Variants in IRAG2 observed in about 807,000 individuals in gnomAD.
The protein encoded by IRAG2 is inositol 1,4,5-triphosphate receptor associated 2, also known as lymphoid restricted membrane protein.
A neutral mutation model predicts 69.9 loss-of-function variants in IRAG2; 45 were observed. That is an observed-to-expected ratio of 0.64 (90% CI 0.51 to 0.83). The LOEUF is 0.83. IRAG2 is among the 40% of genes least tolerant of loss of function. The pLI, the probability that IRAG2 is intolerant of heterozygous loss-of-function variation, is 0.00. For synonymous variants in IRAG2, 193 were observed against 202.4 expected, an observed-to-expected ratio of 0.95 and a Z score of 0.40; for missense variants, 520 against 587.0, an observed-to-expected ratio of 0.89 and a Z score of 1.18.
chr12:25,008,371 G>A (rs1944448968), intron 2 of IRAG2, among the ~76,000 whole-genome samples: 1 of 152,142 alleles, frequency 6.6e-6, no homozygotes, highest in Non-Finnish European at 1.5e-5. Context: ...GGAGGCCAAG[G>A]TGGAGGCTCT....
At chr12:25,065,818 T>C (rs979060588) in intron 4 of IRAG2, among the ~76,000 whole-genome samples, 6 of 152,218 alleles carry the variant, frequency 3.9e-5, no homozygotes, top group Non-Finnish European at 7.3e-5. Flanking sequence ...TACAGGCACA[T>C]GCCATCACAC....
intron 15 of IRAG2, among the ~76,000 whole-genome samples, chr12:25,037,341 C>T (rs1317432504): frequency 2.6e-5 from 4 of 152,102 alleles, no homozygotes; most frequent in Admixed American, 6.5e-5. Context: ...CACTGTTGCC[C>T]AAGCTGGAGG....
At chr12:25,105,692 T>C (rs1949037501) in intron 20 of IRAG2, among the ~76,000 whole-genome samples, 1 of 152,196 alleles carries the variant, frequency 6.6e-6, no homozygotes, top group African/African-American at 2.4e-5. Flanking sequence ...AGTTTTTGCT[T>C]TTTGTTAGTA....
chr12:25,091,452 A>G (rs1359504575), intron 14 of IRAG2, among the ~76,000 whole-genome samples: 1 of 152,138 alleles, frequency 6.6e-6, no homozygotes, highest in African/African-American at 2.4e-5. Context: ...AGGCTCAATA[A>G]AATTCTCTTG....
intron 1 of IRAG2, among the ~76,000 whole-genome samples, chr12:25,053,361 G>A (rs1480790725): frequency 6.6e-6 from 1 of 151,564 alleles, no homozygotes; most frequent in South Asian, 2.1e-4. Flanking sequence ...AAAAGGCCTT[G>A]CTCGTCTATT....
intron 6 of IRAG2, among the ~76,000 whole-genome samples, chr12:25,078,452 T>A (rs2140098451): frequency 6.6e-6 from 1 of 152,330 alleles, no homozygotes; most frequent in East Asian, 1.9e-4. Context: ...TCTTTTTACT[T>A]TGTGTAGGTT....
chr12:25,026,893 A>G lies in IRAG2; in HGVS notation c.1461+27A>G, dbSNP rs141272841. 503 of 1,127,558 alleles carry G rather than the reference A, an allele frequency of 4.5e-4. 1 individual carries two copies. The African/African-American group carries it at 7.5e-3, about 17-fold the overall frequency. 69.8% of individuals were successfully genotyped at this position (1,127,558 alleles called of 1,614,324 possible). A position where few individuals can be genotyped will look rare whatever the true frequency, so the allele number is the denominator to read the frequency against. On this transcript the variant is annotated intron_variant, in intron 9 of 38. Coordinates refer to the IRAG2 transcript ENST00000636465. The stretch of plus-strand genomic sequence containing the variant: ...TAAGCACTTCCCAAATACTGGTAAA[A>G]TATTTTTTTTCTGTCAAACCAGTAT...
At chr12:25,025,532 C>T (rs1944614277) in intron 8 of IRAG2, among the ~76,000 whole-genome samples, 1 of 152,006 alleles carries the variant, frequency 6.6e-6, no homozygotes, top group South Asian at 2.1e-4. Flanking sequence ...ACAAAAAAAA[C>T]ACTTGAGTGA....
intron 3 of IRAG2, among the ~76,000 whole-genome samples, chr12:25,013,498 A>G (rs780650102): frequency 7.2e-5 from 11 of 152,206 alleles, no homozygotes; most frequent in Non-Finnish European, 1.2e-4. Flanking sequence ...ACAAAAGACA[A>G]AAGGCAGGCT....
chr12:25,087,411 A>T (rs1052590299), intron 10 of IRAG2, among the ~76,000 whole-genome samples: 1 of 151,414 alleles, frequency 6.6e-6, no homozygotes, highest in Admixed American at 6.6e-5. Flanking sequence ...CAGGTGATCC[A>T]CCCACCTCAG....
chr12:25,087,911 T>G (rs1432414678), intron 10 of IRAG2, among the ~76,000 whole-genome samples, 189 bp from the exon 11 acceptor site: 2 of 152,140 alleles, frequency 1.3e-5, no homozygotes, highest in Non-Finnish European at 2.9e-5. Flanking sequence ...CAGAAACTGT[T>G]TCCCCCTCAC....
chr12:25,086,833 T>A (rs1425157666), intron 10 of IRAG2, among the ~76,000 whole-genome samples: 1 of 152,012 alleles, frequency 6.6e-6, no homozygotes, highest in Non-Finnish European at 1.5e-5. Context: ...TTTCTTGGAG[T>A]GCTGTGTAAA....
At position 25,107,990 on chromosome 12, in the gene IRAG2, C is replaced by G. The variant is rs1949328085; in HGVS notation, c.1430C>G (p.Ser477Ter). Residue 477 changes from serine to a stop codon, truncating the protein, a stop_gained, in exon 22 of 22, where the codon TCA (serine) becomes TGA (stop). Coordinates refer to ENST00000556887, the MANE Select transcript of IRAG2 (RefSeq NM_001366544.2). LOFTEE classifies it high-confidence loss of function. ...GCCGCTCCCACACAGCAAGAGGACT[C>G]ATGGACGTCTCTAGAACATATCTTG... ...VDAAPTQQED[S>*]WTSLEHILWP... 6 of 1,614,194 alleles carry G rather than the reference C, an allele frequency of 3.7e-6. No homozygotes were observed. Among genetic ancestry groups the G allele is most frequent in the Non-Finnish European group, 4.2e-6 (5 of 1,180,020 alleles).
intron 10 of IRAG2, among the ~76,000 whole-genome samples, chr12:25,084,869 T>C (rs1342823486): frequency 2.0e-5 from 3 of 152,232 alleles, no homozygotes; most frequent in African/African-American, 7.2e-5. Flanking sequence ...AAAAATTGCA[T>C]AGTATTTGCA....
chr12:25,070,768 A>G (rs1406753517), intron 6 of IRAG2, among the ~76,000 whole-genome samples: 1 of 152,206 alleles, frequency 6.6e-6, no homozygotes, highest in Non-Finnish European at 1.5e-5. Flanking sequence ...CAATGTATGA[A>G]GATTCCGGTT....
At chr12:25,017,552 T>C (rs1944540793) in intron 6 of IRAG2, among the ~76,000 whole-genome samples, 1 of 152,062 alleles carries the variant, frequency 6.6e-6, no homozygotes, top group South Asian at 2.1e-4. Flanking sequence ...ACTCCATCCC[T>C]ACTGAAAATA....
At chr12:25,062,654 G>A (rs1283847176) in intron 2 of IRAG2, among the ~76,000 whole-genome samples, 166 bp from the exon 3 acceptor site, 1 of 152,158 alleles carries the variant, frequency 6.6e-6, no homozygotes, top group African/African-American at 2.4e-5. Context: ...TACAATGGGA[G>A]GTTTAAAATT....
At position 25,089,787 on chromosome 12, in the gene IRAG2, G is replaced by A. The variant is rs756395484; in HGVS notation, c.462G>A (p.Val154=). The change falls in exon 13 of 22, where the codon GTG becomes GTA. Residue 154 remains valine, a synonymous_variant. Transcript: ENST00000556887. ...GCACTTCTGCTAATGAGAAGGAGGT[G>A]GAGGTGAGTTTAAAGCAAATTTTTT... is the stretch of plus-strand genomic sequence containing the variant. The part of the protein sequence containing the change: ...SENTSANEKE[V]EAEFLRLSLG... The A allele has an allele frequency of 2.5e-5, 40 of 1,612,948 alleles. No individual in the cohort carries two copies. The highest frequency in any genetic ancestry group is 3.3e-5 in the Non-Finnish European group (39 of 1,179,926).
chr12:25,076,876 T>C (rs1946721078), intron 6 of IRAG2, among the ~76,000 whole-genome samples: 1 of 151,900 alleles, frequency 6.6e-6, no homozygotes, highest in Admixed American at 6.6e-5. Flanking sequence ...GTTTTCTTTC[T>C]TTCTTTTCAT....
Sources: allele counts gnomAD v4.1 joint callset (sites outside exome capture counted in the v4.1 genomes callset), GRCh38; gene constraint gnomAD v4.1.1; transcripts MANE v1.5; gene names NCBI Gene and HGNC (gene_info 2026-07-23, HGNC 2026-07-21).